The following WDR25 variants were observed in gnomAD, a reference collection of about 807,000 sequenced individuals.
WDR25 encodes WD repeat-containing protein 25.
Under a neutral mutation model 47.7 loss-of-function variants are expected in WDR25, and 35 were observed. The ratio of observed to expected loss-of-function variants is 0.73; its 90% CI spans 0.56 to 0.97. The LOEUF is 0.97. WDR25 is among the 50% of genes least tolerant of loss of function. WDR25 has a pLI of 0.00. For missense variants in WDR25, 634 were observed against 704.7 expected (o/e 0.90, Z 1.14); for synonymous variants, 248 against 278.9 (o/e 0.89, Z 1.10).
At chr14:100,510,887 G>A (rs969503010) in intron 4 of WDR25, among the ~76,000 whole-genome samples, 7 of 151,688 alleles carry the variant, frequency 4.6e-5, no homozygotes, top group Non-Finnish European at 8.8e-5. Context: ...ACTGGTGTGA[G>A]CCACTGCACT....
chr14:100,470,500 G>T (rs1454414128), intron 3 of WDR25, among the ~76,000 whole-genome samples: 2 of 77,260 alleles, frequency 2.6e-5, no homozygotes, highest in East Asian at 3.2e-4. Context: ...TGTGTGGGTG[G>T]GTGTGAGTGG....
chr14:100,447,115 T>A (rs771356714), intron 2 of WDR25, among the ~76,000 whole-genome samples: 7 of 152,222 alleles, frequency 4.6e-5, no homozygotes, highest in Non-Finnish European at 1.0e-4. Context: ...TAACAGCTAA[T>A]GCATTCTAAG....
At chr14:100,382,760 T>C in intron 2 of WDR25, among the ~76,000 whole-genome samples, 1 of 152,126 alleles carries the variant, frequency 6.6e-6, no homozygotes, top group East Asian at 1.9e-4. Flanking sequence ...GGAAATAACT[T>C]CAAGGGACCT....
intron 2 of WDR25, among the ~76,000 whole-genome samples, chr14:100,457,815 A>C (rs1231590456): frequency 1.3e-5 from 2 of 152,262 alleles, no homozygotes; most frequent in Non-Finnish European, 2.9e-5. Context: ...GATTGTGTAT[A>C]TTATTGTTAC....
intron 4 of WDR25, among the ~76,000 whole-genome samples, chr14:100,492,202 C>T (rs939734027): frequency 6.6e-6 from 1 of 152,244 alleles, no homozygotes; most frequent in Non-Finnish European, 1.5e-5. Flanking sequence ...CCATCAGCTT[C>T]ACTGGCTGCC....
chr14:100,444,285 G>A (rs983794026), intron 2 of WDR25, among the ~76,000 whole-genome samples: 7 of 152,196 alleles, frequency 4.6e-5, no homozygotes, highest in Non-Finnish European at 7.4e-5. Context: ...TTGCTACTTC[G>A]AAGGTAGCAG....
rs777011213 is a variant in WDR25, at chr14:100,525,825, C to T, written c.1102-45C>T. ...TGGCCTTCCCTGCATAGGCGCCTGTCCGTGCTGCCAGGCCTGCCAGCATGA... is the reference window on the plus strand; with the variant it reads ...TGGCCTTCCCTGCATAGGCGCCTGTTCGTGCTGCCAGGCCTGCCAGCATGA... On this transcript the variant is annotated intron_variant, in intron 4 of 6. Coordinates refer to ENST00000402312, the MANE Select transcript of WDR25 (RefSeq NM_001161476.3). This position sits in a 1 kb window ranked among gnomAD's most constrained non-coding sequence, Gnocchi z 4.6. 13 of 1,603,036 alleles carry T rather than the reference C, an allele frequency of 8.1e-6. No homozygotes were observed. Among genetic ancestry groups the T allele is most frequent in the Non-Finnish European group, 1.0e-5 (12 of 1,173,312 alleles).
intron 3 of WDR25, among the ~76,000 whole-genome samples, chr14:100,477,614 A>G (rs1356310477): frequency 6.6e-6 from 1 of 152,188 alleles, no homozygotes; most frequent in Non-Finnish European, 1.5e-5. Flanking sequence ...CCGTCTGACA[A>G]GTTAAGACCT....
intron 4 of WDR25, among the ~76,000 whole-genome samples, chr14:100,516,767 G>A (rs1406501634): frequency 6.6e-6 from 1 of 151,960 alleles, no homozygotes; most frequent in East Asian, 1.9e-4. Context: ...ATTTAAGGTG[G>A]CTGTCTTGTA....
intron 4 of WDR25, among the ~76,000 whole-genome samples, chr14:100,511,174 TTC>T (rs1474779205): frequency 3.3e-5 from 5 of 152,212 alleles, no homozygotes; most frequent in Non-Finnish European, 5.9e-5. Flanking sequence ...CATAGTATAC[TTC>T]TCTATTTACT....
At chr14:100,482,381 T>G (rs1196097011) in intron 3 of WDR25, among the ~76,000 whole-genome samples, 1 of 152,274 alleles carries the variant, frequency 6.6e-6, no homozygotes, top group Non-Finnish European at 1.5e-5. Flanking sequence ...AAAATATATT[T>G]TAAAATATTG....
intron 1 of WDR25, chr14:100,376,728 A>T: frequency 8.1e-7 from 1 of 1,230,146 alleles, no homozygotes; most frequent in Non-Finnish European, 1.0e-6. Flanking sequence ...TGTTGCTTTC[A>T]TCGCTCTGGG....
At chr14:100,473,332 C>T (rs1899907566) in intron 3 of WDR25, among the ~76,000 whole-genome samples, 2 of 152,168 alleles carry the variant, frequency 1.3e-5, no homozygotes, top group Non-Finnish European at 2.9e-5. Flanking sequence ...CAGTGACTTT[C>T]TTGAGGTGAC....
At chr14:100,458,121 A>G (rs1190917812) in intron 2 of WDR25, among the ~76,000 whole-genome samples, 2 of 152,188 alleles carry the variant, frequency 1.3e-5, no homozygotes, top group African/African-American at 4.8e-5. Flanking sequence ...TAGGTTGGAT[A>G]AAAAGTCAAG....
At chr14:100,420,515 T>C (rs1301126353) in intron 2 of WDR25, among the ~76,000 whole-genome samples, 1 of 152,240 alleles carries the variant, frequency 6.6e-6, no homozygotes, top group Non-Finnish European at 1.5e-5. Context: ...TAGGCAGTGC[T>C]GCAGTGATCA....
Position 100,529,827 on chromosome 14 carries a change from G to T in WDR25, c.1421G>T (p.Gly474Val). ...CTGTGTCCCTCTCTGCAGGTGGAGG[G>T]CTACTCAGTGGGCTGCGAGTGCTCC... Reference protein sequence around the residue: ...RRRYEGHKVEGYSVGCECSPG... With the variant: ...RRRYEGHKVEVYSVGCECSPG... Residue 474 changes from glycine (G) to valine (V), a missense_variant, in exon 7 of 7, where the codon GGC (glycine) becomes GTC (valine). By Grantham distance (109) the Gly-to-Val change is moderately radical. Coordinates refer to ENST00000402312, the MANE Select transcript of WDR25 (RefSeq NM_001161476.3). The surrounding 1 kb of genome is among the most constrained non-coding windows in gnomAD (Gnocchi z 5.1). 1 of 1,611,772 alleles carries T rather than the reference G, an allele frequency of 6.2e-7. No individual in the cohort carries two copies. Among genetic ancestry groups the T allele is most frequent in the Non-Finnish European group, 8.5e-7 (1 of 1,179,802 alleles).
intron 4 of WDR25, among the ~76,000 whole-genome samples, chr14:100,485,280 T>C (rs1900346098): frequency 6.6e-6 from 1 of 152,160 alleles, no homozygotes; most frequent in Non-Finnish European, 1.5e-5. Flanking sequence ...TGCTATCTCA[T>C]TTCTCTCCAT....
At chr14:100,378,428 A>G (rs1316262518) in intron 1 of WDR25, among the ~76,000 whole-genome samples, 1 of 152,096 alleles carries the variant, frequency 6.6e-6, no homozygotes, top group Non-Finnish European at 1.5e-5. Flanking sequence ...CGGCCTCCCA[A>G]AGTGCTGGGA....
At position 100,530,249 on chromosome 14, in the gene WDR25, A is replaced by G; in HGVS notation, c.*208A>G. ...ACACTAGTGAAAGCGCCTGGCGGGCAGCCGGCGATGCCCAATAAATGTGTG... is the reference window on the plus strand; with the variant it reads ...ACACTAGTGAAAGCGCCTGGCGGGCGGCCGGCGATGCCCAATAAATGTGTG... On this transcript the variant is annotated 3_prime_UTR_variant, in exon 7 of 7. Transcript: ENST00000402312. The G allele has an allele frequency of 1.7e-6, 1 of 571,832 alleles. No individual in the cohort carries two copies. Among genetic ancestry groups the G allele is most frequent in the South Asian group, 2.3e-5 (1 of 42,712 alleles). 35.4% of individuals were successfully genotyped at this position (571,832 alleles called of 1,614,324 possible).
Sources: gnomAD v4.1 joint callset for allele counts (sites outside exome capture counted in the v4.1 genomes callset) on GRCh38, gnomAD v4.1.1 for gene constraint, Gnocchi (gnomAD v3.1) non-coding constraint, MANE v1.5 for transcripts, NCBI Gene and HGNC (gene_info 2026-07-23, HGNC 2026-07-21) for gene names.